Variants in CIMAP2 observed in about 807,000 individuals in gnomAD.
CIMAP2 encodes the protein ciliary microtubule associated protein 2.
the CIMAP2 span, among the ~76,000 whole-genome samples, chr1:54,814,536 C>G: frequency 1.3e-5 from 2 of 152,372 alleles, no homozygotes; most frequent in Middle Eastern, 3.4e-3. Flanking sequence ...AAGCCCAGAT[C>G]TGGAAAGGGA....
At chr1:54,840,553 G>A in the CIMAP2 span, among the ~76,000 whole-genome samples, 3 of 152,186 alleles carry the variant, frequency 2.0e-5, no homozygotes, top group Non-Finnish European at 2.9e-5. Flanking sequence ...TTTGTAAGAA[G>A]CTGCTGAACT....
the CIMAP2 span, among the ~76,000 whole-genome samples, chr1:54,817,749 G>A: frequency 6.8e-6 from 1 of 148,104 alleles, no homozygotes; most frequent in Admixed American, 6.7e-5. Context: ...AAATTATGGT[G>A]AGGACATGAG....
the CIMAP2 span, chr1:54,841,628 T>C: frequency 6.2e-7 from 1 of 1,614,202 alleles, no homozygotes; most frequent in East Asian, 2.2e-5. Context: ...TCAGGCTGTT[T>C]TGTTGGAAAG....
the CIMAP2 span, chr1:54,807,610 G>C: frequency 6.2e-7 from 1 of 1,610,046 alleles, no homozygotes; most frequent in Non-Finnish European, 8.5e-7. Context: ...CACAGGCTGG[G>C]CCAAGGCCCA....
the CIMAP2 span, among the ~76,000 whole-genome samples, chr1:54,828,067 T>G: frequency 0.044 from 6,720 of 152,224 alleles, 427 homozygotes; most frequent in East Asian, 0.18. Context: ...CTGGCATTAT[T>G]TAACATTGTT....
chr1:54,807,488 G>A, the CIMAP2 span: 1 of 1,461,052 alleles, frequency 6.8e-7, no homozygotes, highest in Non-Finnish European at 9.1e-7. Context: ...AGACTGGGCG[G>A]GCGTGGCTGT....
the CIMAP2 span, among the ~76,000 whole-genome samples, chr1:54,809,691 A>G: frequency 2.1e-4 from 32 of 152,108 alleles, no homozygotes; most frequent in South Asian, 6.3e-3. Flanking sequence ...TAGTTCTTGG[A>G]CTTTGCTCCC....
At chr1:54,841,962 G>T in the CIMAP2 span, 1 of 1,362,558 alleles carries the variant, frequency 7.3e-7, no homozygotes, top group Non-Finnish European at 1.0e-6. Flanking sequence ...ATGGGAGTGG[G>T]GTGTCTTAGA....
the CIMAP2 span, among the ~76,000 whole-genome samples, chr1:54,831,607 T>G: frequency 6.6e-6 from 1 of 150,744 alleles, no homozygotes; most frequent in Admixed American, 6.6e-5. Context: ...GAGCCAAGAT[T>G]GCGCCATTGC....
the CIMAP2 span, chr1:54,841,574 A>G: frequency 6.2e-7 from 1 of 1,613,514 alleles, no homozygotes; most frequent in Non-Finnish European, 8.5e-7. Context: ...GGGTGCTTTA[A>G]TGAGCTGAAC....
the CIMAP2 span, among the ~76,000 whole-genome samples, chr1:54,815,954 C>T: frequency 2.0e-5 from 3 of 151,986 alleles, no homozygotes; most frequent in Non-Finnish European, 4.4e-5. Flanking sequence ...TGTGCCCAGA[C>T]CCCAGTGACT....
chr1:54,807,889 G>A, the CIMAP2 span: 1 of 1,577,466 alleles, frequency 6.3e-7, no homozygotes, highest in East Asian at 2.3e-5. Flanking sequence ...CTTGGCACAG[G>A]AGCAAAAGCT....
At chr1:54,833,042 T>C in the CIMAP2 span, among the ~76,000 whole-genome samples, 2 of 151,892 alleles carry the variant, frequency 1.3e-5, no homozygotes, top group Non-Finnish European at 2.9e-5. Context: ...TAAAAATGAA[T>C]GGAGACTGAA....
the CIMAP2 span, among the ~76,000 whole-genome samples, chr1:54,827,408 T>G: frequency 6.6e-6 from 1 of 152,160 alleles, no homozygotes; most frequent in African/African-American, 2.4e-5. Context: ...GGGTGCCCCA[T>G]CCCCGCAGGA....
chr1:54,811,765 G>GCCGGGGGGGGGGGCGCCCCCCCCCCCCC, the CIMAP2 span: 2 of 1,301,330 alleles, frequency 1.5e-6, no homozygotes, highest in Non-Finnish European at 2.2e-6. Flanking sequence ...GGTTCTGACA[G>GCCGGGGGGGGGGGCGCCCCCCCCCCCCC]CCTCCATGCC....
At chr1:54,825,874 G>A in the CIMAP2 span, among the ~76,000 whole-genome samples, 1 of 152,002 alleles carries the variant, frequency 6.6e-6, no homozygotes, top group Non-Finnish European at 1.5e-5. Flanking sequence ...AGGCTCCTGG[G>A]TGGTGTGTGA....
At chr1:54,838,740 T>C in the CIMAP2 span, among the ~76,000 whole-genome samples, 1,607 of 152,230 alleles carry the variant, frequency 0.011, 69 homozygotes, top group East Asian at 0.12. Flanking sequence ...ATGGAACAGC[T>C]AGACTCTTCC....
the CIMAP2 span, among the ~76,000 whole-genome samples, chr1:54,832,358 TAGTTAACA>T: frequency 0.39 from 59,714 of 151,542 alleles, 12,450 homozygotes; most frequent in African/African-American, 0.53. Context: ...TTTAAAATGT[TAGTTAACA>T]AGTTAACACC....
the CIMAP2 span, among the ~76,000 whole-genome samples, chr1:54,837,584 G>C: frequency 6.6e-6 from 1 of 152,156 alleles, no homozygotes; most frequent in African/African-American, 2.4e-5. Context: ...CATGGTGCCA[G>C]ACTCTCCTGC....
Sources: gnomAD v4.1 joint callset for allele counts (sites outside exome capture counted in the v4.1 genomes callset) on GRCh38, gnomAD v4.1.1 for gene constraint, MANE v1.5 for transcripts, NCBI Gene and HGNC (gene_info 2026-07-23, HGNC 2026-07-21) for gene names.